Variants in FHIP1A observed in about 807,000 individuals in gnomAD.
FHIP1A encodes the protein FHF complex subunit HOOK-interacting protein 1A.
A neutral mutation model predicts 88.6 loss-of-function variants in FHIP1A; 61 were observed. The observed-to-expected ratio is 0.69, with a 90% CI of 0.56 to 0.85. The LOEUF is 0.85. Among genes scored for constraint, FHIP1A ranks in the 40% least tolerant of loss-of-function variants. FHIP1A has a pLI of 0.00. For missense variants in FHIP1A, 1,154 were observed against 1,273.5 expected (o/e 0.91, Z 1.43); for synonymous variants, 478 against 496.0 (o/e 0.96, Z 0.48).
chr4:151,650,271 G>A lies in FHIP1A; in HGVS notation c.2230G>A (p.Ala744Thr), dbSNP rs559558058. ...EAEHSSNLTAAHPESEELIAQ... is the reference protein window; with the variant it reads ...EAEHSSNLTATHPESEELIAQ... The stretch of plus-strand genomic sequence containing the variant: ...AGAGCACAGCTCTAACCTGACAGCC[G>A]CCCACCCGGAGAGCGAGGAGCTCAT... The change falls in exon 11 of 14, where the codon GCC becomes ACC. Residue 744 changes from alanine to threonine, a missense_variant. Physicochemically the swap from Ala to Thr is moderately conservative, Grantham distance 58. Coordinates refer to ENST00000435205, the MANE Select transcript of FHIP1A (RefSeq NM_001109977.3). 41 of 1,551,688 alleles carry A rather than the reference G, an allele frequency of 2.6e-5. No individual in the cohort carries two copies. Among genetic ancestry groups the A allele is most frequent in the South Asian group, 2.5e-4 (21 of 84,056 alleles).
intron 7 of FHIP1A, among the ~76,000 whole-genome samples, chr4:151,590,298 C>T (rs946418279): frequency 6.6e-6 from 1 of 152,110 alleles, no homozygotes; most frequent in African/African-American, 2.4e-5. Flanking sequence ...ATAAACATTT[C>T]CTGTCATTAT....
At position 151,581,490 on chromosome 4, in the gene FHIP1A, G is replaced by T. The variant is rs112221845; in HGVS notation, c.732+3414G>T. 7.9e-5 allele frequency among the ~76,000 whole-genome samples: 12 copies of T among 152,256 alleles called. 1 individual carries two copies. The highest frequency in any genetic ancestry group is 2.6e-4 in the African/African-American group (11 of 41,564). Reference sequence around the variant, plus strand: ...TTTCCATTTAACTGCATCATAAGCAGATTTTAGTTGAGCATTGCTTTTATA... The same window carrying T: ...TTTCCATTTAACTGCATCATAAGCATATTTTAGTTGAGCATTGCTTTTATA... On this transcript the variant is annotated intron_variant, in intron 5 of 13. Transcript: ENST00000435205.
At chr4:151,451,122 A>G (rs956305840) in intron 1 of FHIP1A, among the ~76,000 whole-genome samples, 5 of 152,060 alleles carry the variant, frequency 3.3e-5, no homozygotes, top group African/African-American at 1.2e-4. Flanking sequence ...GTGTCTTTTT[A>G]TATAACTATT....
chr4:151,482,555 C>G lies in FHIP1A; in HGVS notation c.-216C>G, dbSNP rs1729937240. ...AAAGTCTTCTTCTAGGGGTTTCCAGCAGAGCCAAATGTTAGAAAAATCTTT... is the reference window on the plus strand; with the variant it reads ...AAAGTCTTCTTCTAGGGGTTTCCAGGAGAGCCAAATGTTAGAAAAATCTTT... On this transcript the variant is annotated 5_prime_UTR_variant, in exon 3 of 14. Transcript: ENST00000435205. 6.6e-6 allele frequency: 1 copy of G among 151,970 alleles called. No homozygotes were observed. The highest frequency in any genetic ancestry group is 6.6e-5 in the Admixed American group (1 of 15,244). The allele number at this position is 151,970 out of a possible 1,614,324, so 9.4% of individuals were successfully genotyped here.
At chr4:151,550,284 T>C (rs889515852) in intron 3 of FHIP1A, among the ~76,000 whole-genome samples, 2 of 152,198 alleles carry the variant, frequency 1.3e-5, no homozygotes, top group African/African-American at 4.8e-5. Flanking sequence ...TAAGTTATTA[T>C]TGACTGTAAT....
chr4:151,438,605 C>T (rs1396310102), intron 1 of FHIP1A, among the ~76,000 whole-genome samples: 3 of 132,460 alleles, frequency 2.3e-5, no homozygotes, highest in African/African-American at 2.8e-5. Flanking sequence ...CGGTTTTTGC[C>T]TTTTTTTTTT....
At chr4:151,577,321 A>G in intron 4 of FHIP1A, 129 bp from the exon 5 acceptor site, 1 of 757,284 alleles carries the variant, frequency 1.3e-6, no homozygotes, top group Non-Finnish European at 2.1e-6. Context: ...ACACACACAC[A>G]ATGCCCACAC....
At chr4:151,541,201 C>T (rs1279273364) in intron 3 of FHIP1A, among the ~76,000 whole-genome samples, 1 of 152,090 alleles carries the variant, frequency 6.6e-6, no homozygotes, top group African/African-American at 2.4e-5. Context: ...ATGGTAAGTA[C>T]CCAGGAATAT....
chr4:151,580,158 G>A (rs1017081667), intron 5 of FHIP1A, among the ~76,000 whole-genome samples: 3 of 152,042 alleles, frequency 2.0e-5, no homozygotes, highest in East Asian at 1.9e-4. Context: ...TTTAGTCTCC[G>A]TTAATATAGT....
intron 1 of FHIP1A, among the ~76,000 whole-genome samples, chr4:151,417,924 T>C (rs1426799512): frequency 6.6e-6 from 1 of 152,050 alleles, no homozygotes; most frequent in African/African-American, 2.4e-5. Context: ...ATCCTGGGCA[T>C]TTTGGCAGGC....
Position 151,665,806 on chromosome 4 carries a change from A to G in FHIP1A, c.*3052A>G, listed in dbSNP as rs973098444. Among the ~76,000 whole-genome samples the G allele has an allele frequency of 6.6e-6, 1 of 152,202 alleles. No homozygotes were observed. The highest frequency in any genetic ancestry group is 2.4e-5 in the African/African-American group (1 of 41,446). On this transcript the variant is annotated 3_prime_UTR_variant, in exon 14 of 14. Transcript: ENST00000435205. ...TTTTTTTATAATGAGTTGGGGGGAAAATCTTAAATATGTTTGGCATGCTTA... is the reference window on the plus strand; with the variant it reads ...TTTTTTTATAATGAGTTGGGGGGAAGATCTTAAATATGTTTGGCATGCTTA...
intron 1 of FHIP1A, among the ~76,000 whole-genome samples, chr4:151,432,988 T>G (rs1436138105): frequency 1.3e-5 from 2 of 152,024 alleles, no homozygotes; most frequent in African/African-American, 4.8e-5. Context: ...GGAAGGGTAT[T>G]GTATGGTTGT....
intron 4 of FHIP1A, among the ~76,000 whole-genome samples, chr4:151,568,023 A>G (rs982408397): frequency 6.6e-6 from 1 of 152,174 alleles, no homozygotes; most frequent in South Asian, 2.1e-4. Context: ...AAGACATGAT[A>G]TATCATCAAC....
chr4:151,615,118 G>T (rs189985299), intron 7 of FHIP1A, among the ~76,000 whole-genome samples: 1 of 152,150 alleles, frequency 6.6e-6, no homozygotes, highest in Non-Finnish European at 1.5e-5. Flanking sequence ...CCTCTAAAAC[G>T]CCATCAATTG....
chr4:151,436,681 GGAA>G (rs1728216869), intron 1 of FHIP1A, among the ~76,000 whole-genome samples: 1 of 152,098 alleles, frequency 6.6e-6, no homozygotes, highest in Non-Finnish European at 1.5e-5. Context: ...CTTAGGAAGT[GGAA>G]GAATATAAAC....
At chr4:151,625,136 C>T (rs947293456) in intron 7 of FHIP1A, among the ~76,000 whole-genome samples, 1 of 152,156 alleles carries the variant, frequency 6.6e-6, no homozygotes, top group Admixed American at 6.5e-5. Flanking sequence ...AAGACCCTTT[C>T]ACTCCTGTTT....
At chr4:151,600,245 T>C (rs1437031975) in intron 7 of FHIP1A, among the ~76,000 whole-genome samples, 1 of 152,238 alleles carries the variant, frequency 6.6e-6, no homozygotes, top group Admixed American at 6.5e-5. Context: ...AATGGCCCAC[T>C]GGCTCTTGAA....
chr4:151,490,383 G>A (rs1317943709), intron 3 of FHIP1A, among the ~76,000 whole-genome samples: 2 of 152,182 alleles, frequency 1.3e-5, no homozygotes, highest in Non-Finnish European at 2.9e-5. Flanking sequence ...TAGGCCTACT[G>A]GGTGGCTAGA....
At chr4:151,619,415 G>A (rs890908128) in intron 7 of FHIP1A, among the ~76,000 whole-genome samples, 2 of 152,164 alleles carry the variant, frequency 1.3e-5, no homozygotes, top group Non-Finnish European at 2.9e-5. Context: ...AGTAAGTCAT[G>A]AAGTCAATTT....
Sources: allele counts gnomAD v4.1 joint callset (sites outside exome capture counted in the v4.1 genomes callset), GRCh38; gene constraint gnomAD v4.1.1; transcripts MANE v1.5; gene names NCBI Gene and HGNC (gene_info 2026-07-23, HGNC 2026-07-21).